Variants in GALNT11 observed in about 807,000 individuals in gnomAD.
GALNT11 encodes the protein polypeptide N-acetylgalactosaminyltransferase 11, also known as UDP-GalNAc:polypeptide N-acetylgalactosaminyltransferase 11.
A neutral mutation model predicts 72.7 loss-of-function variants in GALNT11; 47 were observed. The ratio of observed to expected loss-of-function variants is 0.65; its 90% confidence interval spans 0.51 to 0.82. The LOEUF (loss-of-function observed/expected upper bound fraction) is 0.82, where lower values mean the gene tolerates loss of function less well. GALNT11 is among the 40% of genes least tolerant of loss of function. GALNT11 has a pLI of 0.00. For synonymous variants in GALNT11, 270 were observed against 286.6 expected, an observed-to-expected ratio of 0.94 and a Z score of 0.58; for missense variants, 677 against 778.4, an observed-to-expected ratio of 0.87 and a Z score of 1.55.
At chr7:152,066,992 T>A (rs1355949262) in intron 1 of GALNT11, among the ~76,000 whole-genome samples, 1 of 152,196 alleles carries the variant, frequency 6.6e-6, no homozygotes, top group Admixed American at 6.5e-5. Context: ...ACTTGGTCAA[T>A]GCAGGGTTGC....
intron 3 of GALNT11, among the ~76,000 whole-genome samples, chr7:152,102,873 C>A: frequency 6.6e-6 from 1 of 150,426 alleles, no homozygotes; most frequent in East Asian, 2.0e-4. Flanking sequence ...CCCAGCTCCT[C>A]GGGAGGCTGA....
chr7:152,030,668 C>A (rs1279416991), intron 1 of GALNT11, among the ~76,000 whole-genome samples: 1 of 152,080 alleles, frequency 6.6e-6, no homozygotes, highest in Admixed American at 6.5e-5. Context: ...CTCTCTGAGT[C>A]CCTCTTTGTC....
intron 1 of GALNT11, among the ~76,000 whole-genome samples, chr7:152,059,857 T>C (rs574437598): frequency 1.2e-4 from 19 of 152,362 alleles, no homozygotes; most frequent in East Asian, 3.9e-4. Context: ...TAAGTGAGCA[T>C]TGGCTTCAAC....
rs757476913 is a variant in GALNT11 at position 152,103,190 on chromosome 7, C to T, written c.498C>T (p.Ala166=). The change falls in exon 4 of 12, where the codon GCC becomes GCT. Residue 166 remains alanine, a synonymous_variant. Coordinates refer to ENST00000430044, the MANE Select transcript of GALNT11 (RefSeq NM_022087.4). ...GTTTCTATAATGAAGCGTTTTCTGCCTTGCTTCGGACAGTGCACAGTGTCA... is the reference window on the plus strand; with the variant it reads ...GTTTCTATAATGAAGCGTTTTCTGCTTTGCTTCGGACAGTGCACAGTGTCA... The part of the protein sequence containing the change: ...VICFYNEAFS[A]LLRTVHSVID... The T allele has an allele frequency of 6.2e-7, 1 of 1,613,348 alleles. No individual in the cohort carries two copies. Among genetic ancestry groups the T allele is most frequent in the Non-Finnish European group, 8.5e-7 (1 of 1,179,572 alleles).
chr7:152,112,624 T>G (rs1458047741), intron 7 of GALNT11, among the ~76,000 whole-genome samples: 1 of 152,060 alleles, frequency 6.6e-6, no homozygotes, highest in Non-Finnish European at 1.5e-5. Flanking sequence ...TTATTATGCT[T>G]CTTATTTAAT....
chr7:152,076,090 A>AAC (rs2084956545), intron 1 of GALNT11, among the ~76,000 whole-genome samples: 2 of 131,714 alleles, frequency 1.5e-5, no homozygotes, highest in Non-Finnish European at 3.3e-5. Flanking sequence ...AAAAAAAAAA[A>AAC]GAAGAAGAGA....
intron 1 of GALNT11, among the ~76,000 whole-genome samples, chr7:152,044,014 C>G (rs2082998695): frequency 1.3e-5 from 2 of 152,168 alleles, no homozygotes; most frequent in African/African-American, 4.8e-5. Flanking sequence ...ACCCTTTGAC[C>G]TGGGTTCGAG....
At chr7:152,057,366 G>A (rs1268925504) in intron 1 of GALNT11, among the ~76,000 whole-genome samples, 1 of 150,634 alleles carries the variant, frequency 6.6e-6, no homozygotes, top group Non-Finnish European at 1.5e-5. Flanking sequence ...GAGTGCAGTG[G>A]TGCCATCTCG....
intron 1 of GALNT11, among the ~76,000 whole-genome samples, chr7:152,035,573 A>G (rs1480988492): frequency 6.6e-6 from 1 of 152,162 alleles, no homozygotes; most frequent in East Asian, 1.9e-4. Flanking sequence ...TCAGCCCGGA[A>G]GTACAGGAAA....
At chr7:152,078,110 A>C (rs144887626) in intron 1 of GALNT11, among the ~76,000 whole-genome samples, 2 of 152,210 alleles carry the variant, frequency 1.3e-5, no homozygotes, top group East Asian at 3.9e-4. Context: ...AAGGCTGGAC[A>C]ACACTGAAGA....
In GALNT11 at chr7:152,099,310, G is replaced by A. The variant is rs1334690722; in HGVS notation, c.296-1488G>A. ...TCATAAAACATTCACTGTATTAAAG[G>A]AACAGAGTTCTACTATTTTTTAAAA... On this transcript the variant is annotated intron_variant, in intron 2 of 11. Coordinates refer to ENST00000430044, the MANE Select transcript of GALNT11 (RefSeq NM_022087.4). Among the ~76,000 whole-genome samples the A allele has an allele frequency of 2.6e-5, 4 of 151,802 alleles. No homozygotes were observed. The South Asian group carries it at 8.4e-4, about 32-fold the overall frequency.
chr7:152,115,359 C>T (rs2088727418), intron 8 of GALNT11, among the ~76,000 whole-genome samples: 1 of 152,200 alleles, frequency 6.6e-6, no homozygotes, highest in South Asian at 2.1e-4. Context: ...CCAGCACTCA[C>T]TCAGAAGACA....
chr7:152,121,314 G>A (rs1016265155), intron 11 of GALNT11, among the ~76,000 whole-genome samples: 2 of 152,214 alleles, frequency 1.3e-5, no homozygotes, highest in African/African-American at 4.8e-5. Flanking sequence ...CCAACAGCCT[G>A]TTTGTTTTCT....
At chr7:152,078,324 C>T (rs2085107311) in intron 1 of GALNT11, among the ~76,000 whole-genome samples, 3 of 152,246 alleles carry the variant, frequency 2.0e-5, no homozygotes, top group Admixed American at 1.3e-4. Flanking sequence ...GCCTCAGCCT[C>T]CTGAGTATCT....
chr7:152,034,949 C>T (rs1405858360), intron 1 of GALNT11, among the ~76,000 whole-genome samples: 1 of 152,074 alleles, frequency 6.6e-6, no homozygotes, highest in African/African-American at 2.4e-5. Flanking sequence ...TGTTAGGGTC[C>T]TAAGCATTCT....
chr7:152,078,089 C>T (rs932364226), intron 1 of GALNT11, among the ~76,000 whole-genome samples: 1 of 150,926 alleles, frequency 6.6e-6, no homozygotes, highest in Non-Finnish European at 1.5e-5. Flanking sequence ...CTGAATGAAG[C>T]GTGAGGGGGG....
At chr7:152,108,007 C>T (rs200874638) in intron 5 of GALNT11, 31 bp from the exon 6 acceptor site, 1 of 1,582,204 alleles carries the variant, frequency 6.3e-7, no homozygotes, top group East Asian at 2.3e-5. Context: ...TGTTGTGACA[C>T]TCTCCTGAGC....
chr7:152,071,674 G>A (rs967973943), intron 1 of GALNT11, among the ~76,000 whole-genome samples: 1 of 152,176 alleles, frequency 6.6e-6, no homozygotes, highest in Non-Finnish European at 1.5e-5. Context: ...AAGTGTCCAC[G>A]AAATCTTCAC....
At position 152,025,865 on chromosome 7, in the gene GALNT11, C is replaced by G. The variant is rs2081979704; in HGVS notation, c.-58C>G. The G allele has an allele frequency of 3.5e-6, 1 of 285,738 alleles. No individual in the cohort carries two copies. The highest frequency in any genetic ancestry group is 2.2e-5 in the African/African-American group (1 of 44,452). 17.7% of individuals were successfully genotyped at this position (285,738 alleles called of 1,614,324 possible). On this transcript the variant is annotated 5_prime_UTR_variant, in exon 1 of 12. The change creates a new upstream start codon in the 5' untranslated region. Coordinates refer to ENST00000430044, the MANE Select transcript of GALNT11 (RefSeq NM_022087.4). The stretch of plus-strand genomic sequence containing the variant: ...AGCCCGAGTCCCAGAAGGCGGCGAT[C>G]CTGGGCTGCGGGCAAGGCGGTGAGT...
Sources: gnomAD v4.1 joint callset for allele counts (sites outside exome capture counted in the v4.1 genomes callset) on GRCh38, gnomAD v4.1.1 for gene constraint, MANE v1.5 for transcripts, NCBI Gene and HGNC (gene_info 2026-07-23, HGNC 2026-07-21) for gene names.